Variants in GABBR1 observed in about 807,000 individuals in gnomAD.
GABBR1 encodes gamma-aminobutyric acid type B receptor subunit 1.
Under a neutral mutation model 117.7 loss-of-function variants are expected in GABBR1, and 35 were observed. The ratio of observed to expected loss-of-function variants is 0.30; its 90% CI spans 0.23 to 0.39. The LOEUF is 0.39. Ranked by LOEUF, GABBR1 falls within the 10% of genes least tolerant of loss-of-function variation. The pLI is 1.00. For synonymous variants in GABBR1, 442 were observed against 486.6 expected, an observed-to-expected ratio of 0.91 and a Z score of 1.21; for missense variants, 709 against 1,241.8, an observed-to-expected ratio of 0.57 and a Z score of 6.45.
chr6:29,627,449 G>GCCCCCCCCC lies in GABBR1; in HGVS notation c.657+36_657+37insGGGGGGGGG. On this transcript the variant is annotated intron_variant, in intron 6 of 22. Coordinates refer to ENST00000377034, the MANE Select transcript of GABBR1 (RefSeq NM_001470.4). This position sits in a 1 kb window ranked among gnomAD's most constrained non-coding sequence, Gnocchi z 4.4. ...AGCTGGCTGGCCCCCTGCCCCGCAA[G>GCCCCCCCCC]CCCCCACCTCCCACCCACCCCCATG... 1 of 1,204,818 alleles carries GCCCCCCCCC rather than the reference G, an allele frequency of 8.3e-7. No homozygotes were observed. The highest frequency in any genetic ancestry group is 2.4e-5 in the Admixed American group (1 of 41,042). The allele number at this position is 1,204,818 out of a possible 1,614,324, so 74.6% of individuals were successfully genotyped here.
At position 29,609,429 on chromosome 6, in the gene GABBR1, G is replaced by T; in HGVS notation, c.1709-50C>A. The T allele has an allele frequency of 4.6e-6, 7 of 1,533,710 alleles. No homozygotes were observed. The highest frequency in any genetic ancestry group is 4.5e-6 in the Non-Finnish European group (5 of 1,112,862). On this transcript the variant is annotated intron_variant, in intron 14 of 22. Coordinates refer to ENST00000377034, the MANE Select transcript of GABBR1 (RefSeq NM_001470.4). This position sits in a 1 kb window ranked among gnomAD's most constrained non-coding sequence, Gnocchi z 4.3. Reference sequence around the variant, plus strand: ...GGGAAGGGAAAAGAGAAGGGAAGGAGGACAAAGGAATGAAGACGGGATAGG... The same window carrying T: ...GGGAAGGGAAAAGAGAAGGGAAGGATGACAAAGGAATGAAGACGGGATAGG...
Position 29,607,074 on chromosome 6 carries a change from G to C in GABBR1, c.2109+28C>G. 6.2e-7 allele frequency: 1 copy of C among 1,607,356 alleles called. No individual in the cohort carries two copies. Among genetic ancestry groups the C allele is most frequent in the Non-Finnish European group, 8.5e-7 (1 of 1,173,828 alleles). On this transcript the variant is annotated intron_variant, in intron 17 of 22. Coordinates refer to ENST00000377034, the MANE Select transcript of GABBR1 (RefSeq NM_001470.4). This position sits in a 1 kb window ranked among gnomAD's most constrained non-coding sequence, Gnocchi z 5.0. ...TCTGTGCCCCAGGAGCCAAGGATCT[G>C]GGGGCTGAGGATTGGGCAGCAGCTC...
At chr6:29,614,910 C>G (rs891942118) in intron 11 of GABBR1, among the ~76,000 whole-genome samples, 12 of 138,140 alleles carry the variant, frequency 8.7e-5, no homozygotes, top group African/African-American at 3.3e-4. Context: ...ATGTAGAAGG[C>G]TATGCATGTG....
In GABBR1 at chr6:29,607,304, T is replaced by TGGGAAGGGAGCAC; in HGVS notation, c.1993-87_1993-86insGTGCTCCCTTCCC. 1 of 1,082,396 alleles carries TGGGAAGGGAGCAC rather than the reference T, an allele frequency of 9.2e-7. No individual in the cohort carries two copies. Among genetic ancestry groups the TGGGAAGGGAGCAC allele is most frequent in the Non-Finnish European group, 1.4e-6 (1 of 709,326 alleles). The allele number at this position is 1,082,396 out of a possible 1,614,324, so 67.0% of individuals were successfully genotyped here. ...GGATGGGCAGAACCCTAAGGGAGAGTGGGCAGGGAGCACGGGCAGGGAGCT... is the reference window on the plus strand; with the variant it reads ...GGATGGGCAGAACCCTAAGGGAGAGTGGGAAGGGAGCACGGGCAGGGAGCACGGGCAGGGAGCT... On this transcript the variant is annotated intron_variant, in intron 16 of 22. Coordinates refer to ENST00000377034, the MANE Select transcript of GABBR1 (RefSeq NM_001470.4). This position sits in a 1 kb window ranked among gnomAD's most constrained non-coding sequence, Gnocchi z 5.0.
Position 29,613,584 on chromosome 6 carries a change from A to G in GABBR1, c.1324-99T>C. 1 of 1,414,896 alleles carries G rather than the reference A, an allele frequency of 7.1e-7. No individual in the cohort carries two copies. Among genetic ancestry groups the G allele is most frequent in the Non-Finnish European group, 9.7e-7 (1 of 1,032,454 alleles). The allele number at this position is 1,414,896 out of a possible 1,614,324, so 87.6% of individuals were successfully genotyped here. On this transcript the variant is annotated intron_variant, in intron 11 of 22. Coordinates refer to ENST00000377034, the MANE Select transcript of GABBR1 (RefSeq NM_001470.4). The surrounding 1 kb of genome is among the most constrained non-coding windows in gnomAD (Gnocchi z 4.1). The stretch of plus-strand genomic sequence containing the variant: ...GACTCAATCACTTCTACTTGAATGG[A>G]TGGTTTGTGTTACTGTTGTCAGATT...
In GABBR1 at chr6:29,606,045, G is replaced by C. The variant is rs532579808; in HGVS notation, c.2311+346C>G. Reference sequence around the variant, plus strand: ...AGGTGGCTTTCCAGGCAGAGGGTAGGTTTGCAATTTGTGACCATGAATCGA... The same window carrying C: ...AGGTGGCTTTCCAGGCAGAGGGTAGCTTTGCAATTTGTGACCATGAATCGA... On this transcript the variant is annotated intron_variant, in intron 19 of 22. Transcript: ENST00000377034. The surrounding 1 kb of genome is among the most constrained non-coding windows in gnomAD (Gnocchi z 4.5). The C allele has an allele frequency of 1.9e-6, 1 of 516,206 alleles. No homozygotes were observed. Among genetic ancestry groups the C allele is most frequent in the Non-Finnish European group, 3.4e-6 (1 of 290,220 alleles). 32.0% of individuals were successfully genotyped at this position (516,206 alleles called of 1,614,324 possible).
At position 29,627,589 on chromosome 6, in the gene GABBR1, C is replaced by A; in HGVS notation, c.554G>T (p.Gly185Val). The A allele has an allele frequency of 6.3e-7, 1 of 1,578,406 alleles. No homozygotes were observed. The highest frequency in any genetic ancestry group is 8.6e-7 in the Non-Finnish European group (1 of 1,163,392). ...LFPMSGGWPG[G>V]QACQPAVEMA... ...CTCCACCGCGGGCTGGCAGGCCTGG[C>A]CCCCTGGCCAGCCCCCGCTCATGGG... The change falls in exon 6 of 23, where the codon GGC becomes GTC. Residue 185 changes from glycine to valine, a missense_variant. Around this residue, in one of 9 missense-constraint regions of GABBR1, gnomAD observed 192 missense variants for 418.4 expected, o/e 0.46. Coordinates refer to ENST00000377034, the MANE Select transcript of GABBR1 (RefSeq NM_001470.4). This position sits in a 1 kb window ranked among gnomAD's most constrained non-coding sequence, Gnocchi z 4.4.
At position 29,622,508 on chromosome 6, in the gene GABBR1, A is replaced by C. The variant is rs906071594; in HGVS notation, c.964-303T>G. 4 of 394,806 alleles carry C rather than the reference A, an allele frequency of 1.0e-5. No individual in the cohort carries two copies. The highest frequency in any genetic ancestry group is 7.6e-5 in the Admixed American group (2 of 26,220). 24.5% of individuals were successfully genotyped at this position (394,806 alleles called of 1,614,324 possible). ...AAGATGGGGTAAAGAAACATAAAGG[A>C]ACCAGGAAAAGACAAGGCAAGGACT... On this transcript the variant is annotated intron_variant, in intron 8 of 22. Coordinates refer to ENST00000377034, the MANE Select transcript of GABBR1 (RefSeq NM_001470.4). The surrounding 1 kb of genome is among the most constrained non-coding windows in gnomAD (Gnocchi z 4.6).
chr6:29,608,149 C>G (rs952507027), intron 16 of GABBR1, among the ~76,000 whole-genome samples: 1 of 152,198 alleles, frequency 6.6e-6, no homozygotes, highest in African/African-American at 2.4e-5. Context: ...GTCCCAGAGC[C>G]CCTCCTCCCT....
At position 29,609,197 on chromosome 6, in the gene GABBR1, C is replaced by A; in HGVS notation, c.1859+32G>T. The A allele has an allele frequency of 6.2e-7, 1 of 1,606,210 alleles. No individual in the cohort carries two copies. The highest frequency in any genetic ancestry group is 1.1e-5 in the South Asian group (1 of 90,852). ...GAACATGATCAGTATCTCAGAGAGG[C>A]AGACAAGGAAAACGTCAGAAGAGAA... On this transcript the variant is annotated intron_variant, in intron 15 of 22. Coordinates refer to ENST00000377034, the MANE Select transcript of GABBR1 (RefSeq NM_001470.4). The surrounding 1 kb of genome is among the most constrained non-coding windows in gnomAD (Gnocchi z 4.3).
intron 16 of GABBR1, 27 bp downstream of exon 16, chr6:29,608,574 T>C: frequency 1.2e-6 from 2 of 1,609,060 alleles, no homozygotes; most frequent in South Asian, 2.2e-5. Context: ...TCACATCCTG[T>C]AAGGAATTTG....
In GABBR1 at chr6:29,631,880, T is replaced by G. The variant is rs988417463; in HGVS notation, c.86-281A>C. On this transcript the variant is annotated intron_variant, in intron 2 of 22. Coordinates refer to ENST00000377034, the MANE Select transcript of GABBR1 (RefSeq NM_001470.4). The surrounding 1 kb of genome is among the most constrained non-coding windows in gnomAD (Gnocchi z 5.9). ...AGAAAGAAAAGTAATTAAGAAATCATGAAGGGTATGATATGTGGGTGGAGC... is the reference window on the plus strand; with the variant it reads ...AGAAAGAAAAGTAATTAAGAAATCAGGAAGGGTATGATATGTGGGTGGAGC... Among the ~76,000 whole-genome samples the G allele has an allele frequency of 1.3e-5, 2 of 150,800 alleles. No individual in the cohort carries two copies. The highest frequency in any genetic ancestry group is 3.0e-5 in the Non-Finnish European group (2 of 67,780).
Position 29,623,926 on chromosome 6 carries a change from C to T in GABBR1, c.756G>A (p.Leu252=). 6.2e-7 allele frequency: 1 copy of T among 1,612,980 alleles called. No homozygotes were observed. Among genetic ancestry groups the T allele is most frequent in the Non-Finnish European group, 8.5e-7 (1 of 1,179,986 alleles). ...TCCACATCCTAGCAGCCTCAGCCAC[C>T]AGCGTGGAGACAGAGCTGCAGCCAG... ...LMPGCSSVST[L]VAEAARMWNL... is the part of the protein sequence containing the mutation. The change falls in exon 7 of 23, where the codon CTG becomes CTA. Residue 252 remains leucine (L), a synonymous_variant. Coordinates refer to ENST00000377034, the MANE Select transcript of GABBR1 (RefSeq NM_001470.4). The surrounding 1 kb of genome is among the most constrained non-coding windows in gnomAD (Gnocchi z 6.2).
At position 29,621,907 on chromosome 6, in the gene GABBR1, C is replaced by A; in HGVS notation, c.1066-90G>T. On this transcript the variant is annotated intron_variant, in intron 9 of 22. Coordinates refer to ENST00000377034, the MANE Select transcript of GABBR1 (RefSeq NM_001470.4). The surrounding 1 kb of genome is among the most constrained non-coding windows in gnomAD (Gnocchi z 5.0). ...GTCTTCACAGCTTTGATTTCCCATC[C>A]CAAAGTGCTTAGTGCAGGGTAACGC... 1 of 1,365,848 alleles carries A rather than the reference C, an allele frequency of 7.3e-7. No individual in the cohort carries two copies. The allele number at this position is 1,365,848 out of a possible 1,614,324, so 84.6% of individuals were successfully genotyped here.
intron 6 of GABBR1, 34 bp from the exon 7 acceptor site, chr6:29,624,058 C>T (rs766997936): frequency 8.9e-6 from 14 of 1,566,352 alleles, no homozygotes; most frequent in Admixed American, 1.8e-5. Flanking sequence ...GCAAGCTCTC[C>T]TGGGGCCCCT....
At chr6:29,625,457 T>G (rs1764174553) in intron 6 of GABBR1, among the ~76,000 whole-genome samples, 1 of 152,158 alleles carries the variant, frequency 6.6e-6, no homozygotes, top group Non-Finnish European at 1.5e-5. Context: ...CTTATCTACC[T>G]TTTCTTGCAA....
chr6:29,610,582 T>G (rs1299378078), intron 14 of GABBR1, among the ~76,000 whole-genome samples: 2 of 152,118 alleles, frequency 1.3e-5, no homozygotes, highest in African/African-American at 4.8e-5. Context: ...GGGCTTGAAG[T>G]AGCTGGTTCA....
At chr6:29,612,464 A>T in intron 13 of GABBR1, 87 bp downstream of exon 13, 2 of 1,085,014 alleles carry the variant, frequency 1.8e-6, no homozygotes, top group Non-Finnish European at 2.8e-6. Context: ...CAATCTTGTG[A>T]TGTCTCTGGC....
chr6:29,606,717 T>G lies in GABBR1; in HGVS notation c.2217+180A>C. The G allele has an allele frequency of 1.6e-6, 1 of 639,704 alleles. No individual in the cohort carries two copies. The highest frequency in any genetic ancestry group is 2.0e-5 in the South Asian group (1 of 51,264). 39.6% of individuals were successfully genotyped at this position (639,704 alleles called of 1,614,324 possible). A position where few individuals can be genotyped will look rare whatever the true frequency, so the allele number is the denominator to read the frequency against. On this transcript the variant is annotated intron_variant, in intron 18 of 22. Transcript: ENST00000377034. This position sits in a 1 kb window ranked among gnomAD's most constrained non-coding sequence, Gnocchi z 4.5. ...CCCAGATTCCCACCCCTTCCTTTCT[T>G]CAGCTGAATCTGGAGGCCTATGAGG...
Sources: allele counts gnomAD v4.1 joint callset (sites outside exome capture counted in the v4.1 genomes callset), GRCh38; gene constraint gnomAD v4.1.1; regional missense constraint gnomAD v4.1.1; non-coding constraint Gnocchi (gnomAD v3.1); transcripts MANE v1.5; gene names NCBI Gene and HGNC (gene_info 2026-07-23, HGNC 2026-07-21).